The following FCHSD2 variants were observed in gnomAD, a reference collection of about 807,000 sequenced individuals.
The protein encoded by FCHSD2 is F-BAR and double SH3 domains protein 2.
A neutral mutation model predicts 108.1 loss-of-function variants in FCHSD2; 38 were observed. The observed-to-expected ratio is 0.35, with a 90% confidence interval of 0.27 to 0.46. The LOEUF (loss-of-function observed/expected upper bound fraction) is 0.46, where lower values mean the gene tolerates loss of function less well. Ranked by LOEUF, FCHSD2 falls within the 20% of genes least tolerant of loss-of-function variation. The pLI is 1.00. For missense variants in FCHSD2, 751 were observed against 897.8 expected, an observed-to-expected ratio of 0.84 and a Z score of 2.09; for synonymous variants, 279 against 314.7, an observed-to-expected ratio of 0.89 and a Z score of 1.20.
At chr11:72,945,765 CA>C (rs1244984279) in intron 8 of FCHSD2, among the ~76,000 whole-genome samples, 1 of 152,162 alleles carries the variant, frequency 6.6e-6, no homozygotes, top group Non-Finnish European at 1.5e-5. Flanking sequence ...CAAAAGAAGA[CA>C]TTTATGCAGC....
intron 14 of FCHSD2, among the ~76,000 whole-genome samples, chr11:72,846,433 G>GC (rs1565285193): frequency 6.6e-6 from 1 of 152,094 alleles, no homozygotes; most frequent in South Asian, 2.1e-4. Flanking sequence ...GCCCGCCTTG[G>GC]CCCCGCAACG....
chr11:72,860,954 A>G (rs1232119684), intron 13 of FCHSD2, among the ~76,000 whole-genome samples: 1 of 152,274 alleles, frequency 6.6e-6, no homozygotes, highest in Non-Finnish European at 1.5e-5. Flanking sequence ...ATTCAAAAAG[A>G]AGAAAACTCT....
intron 12 of FCHSD2, 68 bp from the exon 13 acceptor site, chr11:72,868,094 A>T: frequency 7.0e-7 from 1 of 1,422,506 alleles, no homozygotes; most frequent in African/African-American, 1.4e-5. Context: ...ATAAGGAATC[A>T]ACCCAAATGC....
At chr11:72,922,230 C>T (rs558122899) in intron 8 of FCHSD2, among the ~76,000 whole-genome samples, 4 of 152,124 alleles carry the variant, frequency 2.6e-5, no homozygotes, top group Non-Finnish European at 4.4e-5. Context: ...GGGTTCTGAT[C>T]TTTGCTCATC....
chr11:72,998,103 C>G (rs1857555124), intron 5 of FCHSD2, among the ~76,000 whole-genome samples: 1 of 151,900 alleles, frequency 6.6e-6, no homozygotes, highest in Non-Finnish European at 1.5e-5. Context: ...AAACAAAATG[C>G]TGAAAAAGTA....
chr11:72,868,610 G>A (rs956194079), intron 12 of FCHSD2, among the ~76,000 whole-genome samples: 5 of 152,088 alleles, frequency 3.3e-5, no homozygotes, highest in African/African-American at 1.2e-4. Flanking sequence ...AGGATCACTT[G>A]AACCCAGGAA....
At chr11:72,942,735 T>G (rs907473588) in intron 8 of FCHSD2, among the ~76,000 whole-genome samples, 26 of 152,210 alleles carry the variant, frequency 1.7e-4, no homozygotes, top group African/African-American at 6.3e-4. Flanking sequence ...TGCTATTCAT[T>G]TTATTTTATT....
Position 72,867,844 on chromosome 11 carries a change from A to T in FCHSD2, c.1308+21T>A, listed in dbSNP as rs765163474. The T allele has an allele frequency of 2.5e-6, 4 of 1,602,708 alleles. No individual in the cohort carries two copies. In the South Asian group the frequency reaches 4.5e-5, roughly 18 times the overall value. ...GCTTCAGTGAAAATCAACTTGTCAT[A>T]TCCAAGAAAAGAAATCGTACCGAGT... On this transcript the variant is annotated intron_variant, in intron 13 of 19. Transcript: ENST00000409418.
chr11:72,983,866 T>C lies in FCHSD2; in HGVS notation c.705+222A>G, dbSNP rs778831777. 56 of 632,628 alleles carry C rather than the reference T, an allele frequency of 8.9e-5. 1 individual carries two copies. The highest frequency in any genetic ancestry group is 8.5e-4 in the South Asian group (56 of 66,056). The allele number at this position is 632,628 out of a possible 1,614,324, so 39.2% of individuals were successfully genotyped here. On this transcript the variant is annotated intron_variant, in intron 8 of 19. Transcript: ENST00000409418. ...TGTTTGCCGCACCTAGGGAATAATA[T>C]AATCCTTTACTGTGACTTGTCTGTA...
rs193061979 is a variant in FCHSD2 at position 73,033,245 on chromosome 11, G to A, written c.166-17360C>T. On this transcript the variant is annotated intron_variant, in intron 3 of 19. Transcript: ENST00000409418. Reference sequence around the variant, plus strand: ...GGAGGTTGCAGTGAGCTGAGATCGCGCCACTGCACTCCAGCCTGGGCAACA... The same window carrying A: ...GGAGGTTGCAGTGAGCTGAGATCGCACCACTGCACTCCAGCCTGGGCAACA... Among the ~76,000 whole-genome samples the A allele has an allele frequency of 3.2e-3, 481 of 149,920 alleles. 3 individuals are homozygous for A. The highest frequency in any genetic ancestry group is 0.011 in the African/African-American group (455 of 40,752).
intron 9 of FCHSD2, among the ~76,000 whole-genome samples, chr11:72,918,135 G>A (rs1258674749): frequency 1.3e-5 from 2 of 152,096 alleles, no homozygotes; most frequent in Non-Finnish European, 2.9e-5. Context: ...TTTATTCCTA[G>A]ATAGTTTATT....
chr11:72,906,492 T>A (rs1855633167), intron 9 of FCHSD2, among the ~76,000 whole-genome samples: 3 of 152,238 alleles, frequency 2.0e-5, no homozygotes, highest in Non-Finnish European at 4.4e-5. Context: ...AGTCATGAAG[T>A]CTTTGCCCAT....
intron 3 of FCHSD2, among the ~76,000 whole-genome samples, chr11:73,062,274 C>A (rs754043572): frequency 1.2e-4 from 19 of 152,044 alleles, no homozygotes; most frequent in Non-Finnish European, 2.4e-4. Context: ...TCAAACACAC[C>A]AATGGAAGGT....
At chr11:72,983,448 A>G (rs1223527300) in intron 8 of FCHSD2, among the ~76,000 whole-genome samples, 1 of 152,150 alleles carries the variant, frequency 6.6e-6, no homozygotes, top group Non-Finnish European at 1.5e-5. Context: ...AGCCTGGACA[A>G]CAGAGCGAGA....
intron 8 of FCHSD2, among the ~76,000 whole-genome samples, chr11:72,973,482 A>G (rs1475688666): frequency 6.6e-6 from 1 of 152,262 alleles, no homozygotes; most frequent in East Asian, 1.9e-4. Flanking sequence ...ATTCATACAA[A>G]TGAATCTCAA....
chr11:73,083,913 G>A (rs958895060), intron 2 of FCHSD2, among the ~76,000 whole-genome samples, 173 bp from the exon 3 acceptor site: 4 of 152,150 alleles, frequency 2.6e-5, no homozygotes, highest in Admixed American at 2.6e-4. Context: ...TACAGTCAGA[G>A]GATCTACATT....
rs557595664 is a variant in FCHSD2, at chr11:72,854,510, C to T, written c.1309-4621G>A. Among the ~76,000 whole-genome samples, 7 of 152,302 alleles carry T rather than the reference C, an allele frequency of 4.6e-5. No homozygotes were observed. In the South Asian group the frequency reaches 1.5e-3, roughly 32 times the overall value. On this transcript the variant is annotated intron_variant, in intron 13 of 19. Coordinates refer to ENST00000409418, the MANE Select transcript of FCHSD2 (RefSeq NM_014824.3). ...GCAATGGTGCGATCATAGCTCATTG[C>T]AGCTTTGAACTCCTGGATGCAAGGG...
rs865970391 is a variant in FCHSD2 at position 72,836,843 on chromosome 11, G to A, written c.*1948C>T. 2.0e-5 allele frequency: 3 copies of A among 152,386 alleles called. No homozygotes were observed. The highest frequency in any genetic ancestry group is 4.4e-5 in the Non-Finnish European group (3 of 68,004). The allele number at this position is 152,386 out of a possible 1,614,324, so 9.4% of individuals were successfully genotyped here. A position where few individuals can be genotyped will look rare whatever the true frequency, so the allele number is the denominator to read the frequency against. On this transcript the variant is annotated 3_prime_UTR_variant, in exon 20 of 20. Transcript: ENST00000409418. ...GCACATCTGCACAGAGGCTCCCTCC[G>A]AGCCCTGACCTGTGCACTGTGGTGC... is the stretch of plus-strand genomic sequence containing the variant.
chr11:72,974,891 C>T (rs1338870657), intron 8 of FCHSD2, among the ~76,000 whole-genome samples: 1 of 151,938 alleles, frequency 6.6e-6, no homozygotes, highest in Non-Finnish European at 1.5e-5. Flanking sequence ...GAATTGAAGA[C>T]TTCCATGCTA....
Sources: allele counts gnomAD v4.1 joint callset (sites outside exome capture counted in the v4.1 genomes callset), GRCh38; gene constraint gnomAD v4.1.1; transcripts MANE v1.5; gene names NCBI Gene and HGNC (gene_info 2026-07-23, HGNC 2026-07-21).